CHST11: variants seen among roughly 807,000 people sequenced by gnomAD.
CHST11 encodes carbohydrate sulfotransferase 11, also known as C4S-1.
Under a neutral mutation model 30.4 loss-of-function variants are expected in CHST11, and 9 were observed. That is an observed-to-expected ratio of 0.30 (90% CI 0.18 to 0.52). CHST11 has a LOEUF of 0.52. Among genes scored for constraint, CHST11 ranks in the 20% least tolerant of loss-of-function variants. The pLI, the probability that CHST11 is intolerant of heterozygous loss-of-function variation, is 0.97. For missense variants in CHST11, 348 were observed against 460.6 expected (o/e 0.76, Z 2.24); for synonymous variants, 152 against 187.8 (o/e 0.81, Z 1.56).
intron 1 of CHST11, among the ~76,000 whole-genome samples, chr12:104,567,850 T>A (rs2136021235): frequency 6.6e-6 from 1 of 152,336 alleles, no homozygotes; most frequent in African/African-American, 2.4e-5. Flanking sequence ...AAAAGAGGCC[T>A]GAGGGAGCCT....
intron 2 of CHST11, among the ~76,000 whole-genome samples, chr12:104,665,814 T>C (rs1346879590): frequency 1.3e-4 from 8 of 61,494 alleles, no homozygotes; most frequent in East Asian, 3.3e-4. Context: ...CTCTGTCTCT[T>C]TTTTTTTTTT....
chr12:104,638,676 G>T (rs1008141837), intron 2 of CHST11, among the ~76,000 whole-genome samples: 4 of 152,202 alleles, frequency 2.6e-5, no homozygotes, highest in African/African-American at 9.7e-5. Flanking sequence ...AGAAGAATGG[G>T]TGTGGGACAT....
intron 2 of CHST11, among the ~76,000 whole-genome samples, chr12:104,641,469 C>G (rs2039376535): frequency 6.6e-6 from 1 of 152,164 alleles, no homozygotes; most frequent in Non-Finnish European, 1.5e-5. Context: ...ACCTCCTGCA[C>G]CCATTCACCT....
At chr12:104,459,193 TAAA>T (rs2037384076) in intron 1 of CHST11, among the ~76,000 whole-genome samples, 1 of 152,168 alleles carries the variant, frequency 6.6e-6, no homozygotes, top group South Asian at 2.1e-4. Flanking sequence ...TAAAGGAATT[TAAA>T]AATGGACCTG....
At chr12:104,506,483 G>C (rs779862385) in intron 1 of CHST11, among the ~76,000 whole-genome samples, 2 of 152,170 alleles carry the variant, frequency 1.3e-5, no homozygotes, top group Non-Finnish European at 2.9e-5. Context: ...CATTAGAAAG[G>C]CTGTTTTCAA....
At chr12:104,742,882 C>G (rs533990446) in intron 2 of CHST11, among the ~76,000 whole-genome samples, 2 of 152,348 alleles carry the variant, frequency 1.3e-5, no homozygotes, top group East Asian at 1.9e-4. Flanking sequence ...CATTTCTACC[C>G]AGGGCTGAGA....
Position 104,701,696 on chromosome 12 carries a change from C to T in CHST11, c.205-55253C>T, listed in dbSNP as rs368061842. Among the ~76,000 whole-genome samples, 24 of 152,306 alleles carry T rather than the reference C, an allele frequency of 1.6e-4. No individual in the cohort carries two copies. The East Asian group carries it at 1.9e-3, about 12-fold the overall frequency. ...CATTGGAGAAAAAGTATCTCTACCC[C>T]GGGTAACTCATAGTGTTTAATTCAC... On this transcript the variant is annotated intron_variant, in intron 2 of 2. Coordinates refer to ENST00000303694, the MANE Select transcript of CHST11 (RefSeq NM_018413.6).
At chr12:104,501,006 A>T (rs1218550568) in intron 1 of CHST11, among the ~76,000 whole-genome samples, 3 of 152,150 alleles carry the variant, frequency 2.0e-5, no homozygotes, top group African/African-American at 7.2e-5. Context: ...TACCTCCGCT[A>T]GCTCAGCATT....
chr12:104,747,720 G>T (rs1304928698), intron 2 of CHST11, among the ~76,000 whole-genome samples: 6 of 152,034 alleles, frequency 3.9e-5, no homozygotes, highest in African/African-American at 1.4e-4. Context: ...GTTGTTAAAG[G>T]CAGATTCAGA....
chr12:104,463,486 G>GTC (rs1256261795), intron 1 of CHST11, among the ~76,000 whole-genome samples: 1 of 152,108 alleles, frequency 6.6e-6, no homozygotes, highest in East Asian at 1.9e-4. Flanking sequence ...CTGTCTGTCT[G>GTC]TCTCTCTCTC....
intron 1 of CHST11, among the ~76,000 whole-genome samples, chr12:104,583,888 T>G (rs2038774814): frequency 6.6e-6 from 1 of 152,136 alleles, no homozygotes; most frequent in African/African-American, 2.4e-5. Context: ...AATTTTTGTA[T>G]TTTTAGTAGA....
At chr12:104,506,655 T>C (rs1050599345) in intron 1 of CHST11, among the ~76,000 whole-genome samples, 2 of 152,180 alleles carry the variant, frequency 1.3e-5, no homozygotes, top group African/African-American at 4.8e-5. Context: ...AAATTTACAG[T>C]GATCACCTTG....
At chr12:104,724,914 T>C (rs777649154) in intron 2 of CHST11, among the ~76,000 whole-genome samples, 1 of 152,188 alleles carries the variant, frequency 6.6e-6, no homozygotes. Context: ...GCAACTCCCA[T>C]TTAACTAGTG....
intron 1 of CHST11, chr12:104,591,665 G>T (rs61938575): frequency 6.6e-6 from 1 of 151,066 alleles, no homozygotes; most frequent in East Asian, 2.1e-4. Context: ...AGGTCCCACA[G>T]CAGGGCTGGA....
rs368047506 is a variant in CHST11, at chr12:104,615,949, C to A, written c.204+13958C>A. Among the ~76,000 whole-genome samples, 25 of 152,134 alleles carry A rather than the reference C, an allele frequency of 1.6e-4. No individual in the cohort carries two copies. The East Asian group carries it at 1.7e-3, about 11-fold the overall frequency. ...TCTCAAAATAAAATAAAATAAAAAT[C>A]AAAGAATAGCCCCTACCTTATTCTC... is the stretch of plus-strand genomic sequence containing the variant. On this transcript the variant is annotated intron_variant, in intron 2 of 2. Coordinates refer to ENST00000303694, the MANE Select transcript of CHST11 (RefSeq NM_018413.6).
chr12:104,519,768 C>G (rs2038058426), intron 1 of CHST11, among the ~76,000 whole-genome samples: 1 of 152,202 alleles, frequency 6.6e-6, no homozygotes, highest in Non-Finnish European at 1.5e-5. Context: ...TTTCATTCCT[C>G]TAAGGCTGCA....
At chr12:104,494,697 C>T (rs969545551) in intron 1 of CHST11, among the ~76,000 whole-genome samples, 6 of 152,080 alleles carry the variant, frequency 3.9e-5, no homozygotes, top group South Asian at 4.1e-4. Flanking sequence ...GGGTGGGGTG[C>T]GGGCTCACTG....
chr12:104,671,564 C>T (rs1321053656), intron 2 of CHST11, among the ~76,000 whole-genome samples: 2 of 152,116 alleles, frequency 1.3e-5, no homozygotes, highest in Non-Finnish European at 2.9e-5. Context: ...CCACAGGTTT[C>T]GCAGCAAACG....
chr12:104,711,151 C>G (rs891965447), intron 2 of CHST11, among the ~76,000 whole-genome samples: 2 of 152,152 alleles, frequency 1.3e-5, no homozygotes, highest in Non-Finnish European at 2.9e-5. Context: ...TGTATTCATG[C>G]CAAGATGGGC....
Sources: allele counts gnomAD v4.1 joint callset (sites outside exome capture counted in the v4.1 genomes callset), GRCh38; gene constraint gnomAD v4.1.1; transcripts MANE v1.5; gene names NCBI Gene and HGNC (gene_info 2026-07-23, HGNC 2026-07-21).